SFRP1: variants seen among roughly 807,000 people sequenced by gnomAD.
The protein encoded by SFRP1 is secreted frizzled related protein 1.
In SFRP1, 9 loss-of-function variants were observed where a neutral mutation model predicts 25.9. The ratio of observed to expected loss-of-function variants is 0.35; its 90% CI spans 0.21 to 0.61. The LOEUF is 0.61. Among genes scored for constraint, SFRP1 ranks in the 20% least tolerant of loss-of-function variants. The pLI is 0.78. For synonymous variants in SFRP1, 178 were observed against 174.0 expected, an observed-to-expected ratio of 1.02 and a Z score of -0.18; for missense variants, 346 against 418.2, an observed-to-expected ratio of 0.83 and a Z score of 1.51.
At chr8:41,286,504 C>CG (rs1402449350) in intron 2 of SFRP1, among the ~76,000 whole-genome samples, 2 of 150,916 alleles carry the variant, frequency 1.3e-5, no homozygotes, top group African/African-American at 2.4e-5. Context: ...GGAAGCGGGG[C>CG]GGGGGGAGGG....
At chr8:41,277,425 T>C (rs1470961298) in intron 2 of SFRP1, among the ~76,000 whole-genome samples, 1 of 152,174 alleles carries the variant, frequency 6.6e-6, no homozygotes, top group Non-Finnish European at 1.5e-5. Context: ...CAAGTTGAAA[T>C]GTGGGATGGT....
chr8:41,268,800 C>T (rs751685906), intron 2 of SFRP1, among the ~76,000 whole-genome samples: 4 of 152,212 alleles, frequency 2.6e-5, no homozygotes, highest in Non-Finnish European at 5.9e-5. Context: ...AGGGCAGGTG[C>T]TGGCCCAAGA....
chr8:41,301,830 T>G (rs558059346), intron 2 of SFRP1, among the ~76,000 whole-genome samples: 96 of 152,312 alleles, frequency 6.3e-4, no homozygotes, highest in African/African-American at 2.2e-3. Flanking sequence ...CGACATGAGA[T>G]CCTCTGTCCT....
chr8:41,279,357 C>A (rs185889228), intron 2 of SFRP1, among the ~76,000 whole-genome samples: 7 of 152,098 alleles, frequency 4.6e-5, no homozygotes, highest in African/African-American at 1.7e-4. Context: ...TTGCCCAGGC[C>A]GGGGTCTGGT....
At chr8:41,294,387 G>A (rs540372614) in intron 2 of SFRP1, among the ~76,000 whole-genome samples, 2 of 152,302 alleles carry the variant, frequency 1.3e-5, no homozygotes, top group East Asian at 3.9e-4. Context: ...ACACATCTGA[G>A]GTAGTCCCAA....
chr8:41,281,619 T>G (rs1803635925), intron 2 of SFRP1, among the ~76,000 whole-genome samples: 2 of 152,190 alleles, frequency 1.3e-5, no homozygotes, highest in South Asian at 4.1e-4. Flanking sequence ...GGGCATAATA[T>G]AAACAAGTCA....
intron 2 of SFRP1, among the ~76,000 whole-genome samples, chr8:41,293,513 C>T (rs1273454682): frequency 6.6e-6 from 1 of 152,114 alleles, no homozygotes; most frequent in Non-Finnish European, 1.5e-5. Context: ...TTTCCCTGTC[C>T]TCATCTCCTG....
In SFRP1 at chr8:41,265,157, C is replaced by T. The variant is rs1803419427; in HGVS notation, c.*10G>A. On this transcript the variant is annotated 3_prime_UTR_variant, in exon 3 of 3. Coordinates refer to ENST00000220772, the MANE Select transcript of SFRP1 (RefSeq NM_003012.5). ...CCCGAGGCTCCCTCCCCACCCTGCC[C>T]CCGGGAGAATCACTTAAACACGGAC... 2 of 1,533,918 alleles carry T rather than the reference C, an allele frequency of 1.3e-6. No individual in the cohort carries two copies. The highest frequency in any genetic ancestry group is 1.2e-5 in the South Asian group (1 of 83,046).
chr8:41,272,433 A>G (rs1232773986), intron 2 of SFRP1, among the ~76,000 whole-genome samples: 1 of 152,198 alleles, frequency 6.6e-6, no homozygotes. Flanking sequence ...AACGTGGCGA[A>G]ACCCCGTCTC....
In SFRP1 at chr8:41,269,383, T is replaced by C. The variant is rs765796057; in HGVS notation, c.623-3894A>G. ...CCCAGAAACTTTGAAAACTCAAAAT[T>C]TGAGGCTGCAACAAGGGCCTGCCTG... On this transcript the variant is annotated intron_variant, in intron 2 of 2. Transcript: ENST00000220772. Among the ~76,000 whole-genome samples, 59 of 152,100 alleles carry C rather than the reference T, an allele frequency of 3.9e-4. 1 individual carries two copies. The highest frequency in any genetic ancestry group is 6.8e-4 in the Non-Finnish European group (46 of 68,020).
chr8:41,302,421 C>T (rs1044264131), intron 2 of SFRP1, among the ~76,000 whole-genome samples: 2 of 152,202 alleles, frequency 1.3e-5, no homozygotes, highest in African/African-American at 4.8e-5. Context: ...TGTACTTTAC[C>T]ATGTTCGATT....
chr8:41,266,603 T>C (rs1398070924), intron 2 of SFRP1, among the ~76,000 whole-genome samples: 1 of 136,870 alleles, frequency 7.3e-6, no homozygotes, highest in Non-Finnish European at 1.6e-5. Context: ...GCCTGGCTGA[T>C]TTTTTTTTTT....
chr8:41,288,222 G>A lies in SFRP1; in HGVS notation c.622+15239C>T, dbSNP rs573408018. ...AAAATAAAAAAATTAGCCAGTTGTT[G>A]TGGGACGTGCCTGTAATCCCAGCTA... On this transcript the variant is annotated intron_variant, in intron 2 of 2. Transcript: ENST00000220772. Among the ~76,000 whole-genome samples the A allele has an allele frequency of 2.0e-5, 3 of 152,014 alleles. 1 individual carries two copies. Among genetic ancestry groups the A allele is most frequent in the Non-Finnish European group, 4.4e-5 (3 of 68,002 alleles).
chr8:41,284,229 G>A (rs1357897905), intron 2 of SFRP1, among the ~76,000 whole-genome samples: 1 of 152,150 alleles, frequency 6.6e-6, no homozygotes, highest in African/African-American at 2.4e-5. Context: ...GGCAGCTCCA[G>A]GTGCAGCACA....
At chr8:41,265,791 G>A (rs1041845135) in intron 2 of SFRP1, among the ~76,000 whole-genome samples, 2 of 152,074 alleles carry the variant, frequency 1.3e-5, no homozygotes, top group African/African-American at 4.8e-5. Context: ...GTTTACTGTG[G>A]AACAAAGCTT....
At chr8:41,288,944 G>C (rs1016435310) in intron 2 of SFRP1, among the ~76,000 whole-genome samples, 9 of 152,180 alleles carry the variant, frequency 5.9e-5, no homozygotes, top group African/African-American at 1.4e-4. Flanking sequence ...GCTGGGGCCA[G>C]GATGTCCAGC....
In SFRP1 at chr8:41,262,333, T is replaced by A. The variant is rs879825354; in HGVS notation, c.*2834A>T. On this transcript the variant is annotated 3_prime_UTR_variant, in exon 3 of 3. Transcript: ENST00000220772. ...TGAGCCTCCTGCATCTATGAAGTTATGACACAGCAACCAGTTACTCAGAGT... is the reference window on the plus strand; with the variant it reads ...TGAGCCTCCTGCATCTATGAAGTTAAGACACAGCAACCAGTTACTCAGAGT... The A allele has an allele frequency of 6.6e-5, 10 of 152,178 alleles. No individual in the cohort carries two copies. The highest frequency in any genetic ancestry group is 2.0e-4 in the Admixed American group (3 of 15,282). The allele number at this position is 152,178 out of a possible 1,614,324, so 9.4% of individuals were successfully genotyped here. A position where few individuals can be genotyped will look rare whatever the true frequency, so the allele number is the denominator to read the frequency against.
chr8:41,265,448 C>T lies in SFRP1; in HGVS notation c.664G>A (p.Asp222Asn), dbSNP rs140852585. ...TTCTTCTTGGGGACAATCTTCTTGT[C>T]GCCATTTTCTTTTTTCACTTCTTTT... ...KIKEVKKENG[D>N]KKIVPKKKKP... Residue 222 changes from aspartate (D) to asparagine (N), a missense_variant, in exon 3 of 3, where the codon GAC becomes AAC. Asp to Asn is a conservative substitution (Grantham distance 23). Coordinates refer to ENST00000220772, the MANE Select transcript of SFRP1 (RefSeq NM_003012.5). The T allele has an allele frequency of 2.7e-5, 43 of 1,607,776 alleles. No individual in the cohort carries two copies. The highest frequency in any genetic ancestry group is 6.7e-5 in the African/African-American group (5 of 74,306).
intron 2 of SFRP1, among the ~76,000 whole-genome samples, chr8:41,286,374 G>A (rs564306139): frequency 6.6e-4 from 101 of 152,164 alleles, no homozygotes; most frequent in Non-Finnish European, 1.2e-3. Context: ...CTCCCCCGCC[G>A]CACAAACACA....
Sources: allele counts gnomAD v4.1 joint callset (sites outside exome capture counted in the v4.1 genomes callset), GRCh38; gene constraint gnomAD v4.1.1; transcripts MANE v1.5; gene names NCBI Gene and HGNC (gene_info 2026-07-23, HGNC 2026-07-21).